RGS11: variants seen among roughly 807,000 people sequenced by gnomAD.
RGS11 encodes the protein regulator of G-protein signaling 11.
Under a neutral mutation model 71.1 loss-of-function variants are expected in RGS11, and 86 were observed. The ratio of observed to expected loss-of-function variants is 1.21; its 90% CI spans 1.02 to 1.45. The LOEUF (loss-of-function observed/expected upper bound fraction) is 1.45, where lower values mean the gene tolerates loss of function less well. RGS11 is among the 40% of genes most tolerant of loss of function. RGS11 has a pLI of 0.00. For missense variants in RGS11, 734 were observed against 635.1 expected (o/e 1.16, Z -1.67); for synonymous variants, 298 against 254.2 (o/e 1.17, Z -1.64).
At chr16:272,715 C>G in intron 9 of RGS11, 148 bp downstream of exon 9, 1 of 1,487,648 alleles carries the variant, frequency 6.7e-7, no homozygotes, top group South Asian at 1.3e-5. Flanking sequence ...AGGGAGTGAC[C>G]GGGAGTGAGC....
intron 10 of RGS11, 33 bp downstream of exon 10, chr16:271,507 C>G: frequency 6.2e-7 from 1 of 1,614,004 alleles, no homozygotes; most frequent in East Asian, 2.2e-5. Flanking sequence ...GGGAAGGCAC[C>G]TGGCACCCTC....
chr16:268,850 G>A lies in RGS11; in HGVS notation c.*419C>T. ...GCCGAGACCTGCATGTCCGCGTCTT[G>A]TGACGGGTGTGTGGGAAGCCGCCCG... On this transcript the variant is annotated 3_prime_UTR_variant, in exon 17 of 17. Transcript: ENST00000397770. 1.3e-6 allele frequency: 2 copies of A among 1,550,434 alleles called. No individual in the cohort carries two copies. The highest frequency in any genetic ancestry group is 1.7e-6 in the Non-Finnish European group (2 of 1,146,976).
Position 275,286 on chromosome 16 carries a change from C to G in RGS11, c.208G>C (p.Glu70Gln), listed in dbSNP as rs775822842. ...WLAQKFCVSE[E>Q]EALHLGAVLV... ...CAGTGGGAGGCAGGGCGCTCACCCT[C>G]CTCCGAGACGCAGAACTTCTGGGCC... Residue 70 changes from glutamate (E) to glutamine (Q), a missense_variant, in exon 3 of 17, where the codon GAG (glutamate) becomes CAG (glutamine). Physicochemically the swap from Glu to Gln is conservative, Grantham distance 29. Transcript: ENST00000397770. The G allele has an allele frequency of 2.5e-6, 4 of 1,612,610 alleles. No individual in the cohort carries two copies. The East Asian group carries it at 8.9e-5, about 36-fold the overall frequency.
chr16:275,777 A>C (rs2141432546), intron 1 of RGS11, 72 bp downstream of exon 1: 3 of 469,822 alleles, frequency 6.4e-6, no homozygotes, highest in Non-Finnish European at 6.2e-6. Context: ...CCGTGTCCCC[A>C]TGCTCTCCGG....
intron 9 of RGS11, chr16:272,426 A>T (rs1286343690): frequency 7.7e-7 from 1 of 1,302,100 alleles, no homozygotes; most frequent in Non-Finnish European, 1.0e-6. Flanking sequence ...GGTTTGAACA[A>T]AGGGTTTTGC....
In RGS11 at chr16:275,883, CCGGGGGGCGGCG is replaced by C; in HGVS notation, c.17_28del (p.Ala6_Pro9del). The stretch of plus-strand genomic sequence containing the variant: ...ATGCGGCATCTGCGCCCGGGGGCGG[CCGGGGGGCGGCG>C]CGGGGCCGGCGGCCATGGCTGCGGG... On this transcript the variant is annotated inframe_deletion, in exon 1 of 17. Transcript: ENST00000397770. 2 of 964,136 alleles carry C rather than the reference CCGGGGGGCGGCG, an allele frequency of 2.1e-6. No homozygotes were observed. Among genetic ancestry groups the C allele is most frequent in the Non-Finnish European group, 2.5e-6 (2 of 790,612 alleles). 59.7% of individuals were successfully genotyped at this position (964,136 alleles called of 1,614,324 possible).
At position 269,207 on chromosome 16, in the gene RGS11, G is replaced by T; in HGVS notation, c.*62C>A. The T allele has an allele frequency of 2.4e-6, 3 of 1,244,866 alleles. No individual in the cohort carries two copies. The highest frequency in any genetic ancestry group is 3.4e-6 in the Non-Finnish European group (3 of 869,766). The allele number at this position is 1,244,866 out of a possible 1,614,324, so 77.1% of individuals were successfully genotyped here. A position where few individuals can be genotyped will look rare whatever the true frequency, so the allele number is the denominator to read the frequency against. ...CAGGACCTGGGCCAAGACGGGGGTG[G>T]CTGCTGCATTCACGCAGGACGTTGA... On this transcript the variant is annotated 3_prime_UTR_variant, in exon 17 of 17. Coordinates refer to ENST00000397770, the MANE Select transcript of RGS11 (RefSeq NM_183337.3).
At chr16:271,168 A>G in intron 12 of RGS11, 34 bp downstream of exon 12, 1 of 1,606,806 alleles carries the variant, frequency 6.2e-7, no homozygotes, top group South Asian at 1.1e-5. Flanking sequence ...GGCTGGGAGC[A>G]CACCCGCAGT....
chr16:273,614 C>T (rs1230749389), intron 7 of RGS11, 58 bp from the exon 8 acceptor site: 1 of 1,511,976 alleles, frequency 6.6e-7, no homozygotes, highest in African/African-American at 1.4e-5. Context: ...CCTCCGCCCC[C>T]ACCCTCAGGC....
Position 269,282 on chromosome 16 carries a change from T to G in RGS11, c.1391A>C (p.Asp464Ala). The change falls in exon 17 of 17, where the codon GAT (aspartate) becomes GCT (alanine). Residue 464 changes from aspartate to alanine, a missense_variant. Physicochemically the swap from Asp to Ala is moderately radical, Grantham distance 126. Transcript: ENST00000397770. The stretch of plus-strand genomic sequence containing the variant: ...GGGCCAGGTCCACTAGGCCACCCCA[T>G]CTCCACCCCCAGGGCCACAAGCCGC... Reference protein sequence around the residue: ...PTAACGPGGGDGVA With the variant: ...PTAACGPGGGAGVA 1 of 1,572,152 alleles carries G rather than the reference T, an allele frequency of 6.4e-7. No individual in the cohort carries two copies. The highest frequency in any genetic ancestry group is 8.6e-7 in the Non-Finnish European group (1 of 1,159,948).
intron 13 of RGS11, 62 bp from the exon 14 acceptor site, chr16:270,893 G>T (rs945799082): frequency 2.7e-5 from 42 of 1,582,356 alleles, no homozygotes; most frequent in Non-Finnish European, 3.5e-5. Context: ...CCGGTGGGGG[G>T]TTCCCAGGGA....
At chr16:272,211 A>T in intron 9 of RGS11, 1 of 1,182,850 alleles carries the variant, frequency 8.5e-7, no homozygotes, top group Non-Finnish European at 1.1e-6. Flanking sequence ...ACTAATGGGG[A>T]TCACTGGGGA....
In RGS11 at chr16:268,993, C is replaced by T. The variant is rs1055337088; in HGVS notation, c.*276G>A. 2 of 1,487,492 alleles carry T rather than the reference C, an allele frequency of 1.3e-6. No individual in the cohort carries two copies. Among genetic ancestry groups the T allele is most frequent in the Admixed American group, 2.0e-5 (1 of 50,920 alleles). 92.1% of individuals were successfully genotyped at this position (1,487,492 alleles called of 1,614,324 possible). A position where few individuals can be genotyped will look rare whatever the true frequency, so the allele number is the denominator to read the frequency against. On this transcript the variant is annotated 3_prime_UTR_variant, in exon 17 of 17. Transcript: ENST00000397770. Reference sequence around the variant, plus strand: ...GTGGAGCTCCCTGTGGCCTTGGTCTCACCTCTCTTCAGGTAACAGGCTCTG... The same window carrying T: ...GTGGAGCTCCCTGTGGCCTTGGTCTTACCTCTCTTCAGGTAACAGGCTCTG...
intron 12 of RGS11, 32 bp downstream of exon 12, chr16:271,170 A>C (rs1314391199): frequency 5.6e-6 from 9 of 1,606,968 alleles, no homozygotes; most frequent in Non-Finnish European, 7.7e-6. Context: ...CTGGGAGCAC[A>C]CCCGCAGTCC....
At position 268,385 on chromosome 16, in the gene RGS11, T is replaced by C. The variant is rs1317871650; in HGVS notation, c.*884A>G. On this transcript the variant is annotated 3_prime_UTR_variant, in exon 17 of 17. Transcript: ENST00000397770. Reference sequence around the variant, plus strand: ...GGAGTGACTGGATGTGAGCCAGCCCTATGGGTGGGGATGGCACCGCCCTAC... The same window carrying C: ...GGAGTGACTGGATGTGAGCCAGCCCCATGGGTGGGGATGGCACCGCCCTAC... 3.2e-6 allele frequency: 1 copy of C among 314,228 alleles called. No homozygotes were observed. The highest frequency in any genetic ancestry group is 6.2e-6 in the Non-Finnish European group (1 of 162,028). The allele number at this position is 314,228 out of a possible 1,614,324, so 19.5% of individuals were successfully genotyped here. A position where few individuals can be genotyped will look rare whatever the true frequency, so the allele number is the denominator to read the frequency against.
At chr16:273,012 C>A in intron 8 of RGS11, 81 bp from the exon 9 acceptor site, 1 of 1,288,948 alleles carries the variant, frequency 7.8e-7, no homozygotes. Flanking sequence ...CCTCCCAGAC[C>A]CCCATGTGGA....
Position 272,861 on chromosome 16 carries a change from A to G in RGS11, c.657+2T>C. 6.5e-7 allele frequency: 1 copy of G among 1,542,484 alleles called. No homozygotes were observed. Among genetic ancestry groups the G allele is most frequent in the Non-Finnish European group, 8.7e-7 (1 of 1,145,786 alleles). On this transcript the variant is annotated splice_donor_variant, in intron 9 of 16. Coordinates refer to ENST00000397770, the MANE Select transcript of RGS11 (RefSeq NM_183337.3). LOFTEE classifies it high-confidence loss of function. ...GCGGCCAGCACGCACGCAGGGGCTC[A>G]CCATGAGCACACGGCTGGCAGCGCA...
intron 9 of RGS11, 147 bp downstream of exon 9, chr16:272,716 G>C: frequency 2.0e-6 from 3 of 1,488,296 alleles, no homozygotes; most frequent in South Asian, 1.3e-5. Flanking sequence ...GGGAGTGACC[G>C]GGAGTGAGCA....
In RGS11 at chr16:270,752, G is replaced by A. The variant is rs768785283; in HGVS notation, c.1059C>T (p.Ala353=). The change falls in exon 14 of 17, where the codon GCC becomes GCT. Residue 353 remains alanine (A), a synonymous_variant. Transcript: ENST00000397770. The stretch of plus-strand genomic sequence containing the variant: ...CACCACGCAGCACTTACTCGTACAC[G>A]GCATCCACCAGGGTGGGGACCTGGG... The part of the protein sequence containing the change: ...AQAQVPTLVD[A]VYEQFLAPGA... The A allele has an allele frequency of 9.3e-6, 15 of 1,612,368 alleles. No individual in the cohort carries two copies. The East Asian group carries it at 1.6e-4, about 17-fold the overall frequency.
Sources: gnomAD v4.1 joint callset for allele counts on GRCh38, gnomAD v4.1.1 for gene constraint, MANE v1.5 for transcripts, NCBI Gene and HGNC (gene_info 2026-07-23, HGNC 2026-07-21) for gene names.